Variants in ATXN3 observed in about 807,000 individuals in gnomAD.
ATXN3 encodes ataxin-3.
A neutral mutation model predicts 58.2 loss-of-function variants in ATXN3; 28 were observed. The observed-to-expected ratio is 0.48, with a 90% confidence interval of 0.36 to 0.66. The LOEUF (loss-of-function observed/expected upper bound fraction) is 0.66, where lower values mean the gene tolerates loss of function less well. ATXN3 is among the 30% of genes least tolerant of loss of function. The probability of loss-of-function intolerance (pLI) is 0.00; values close to 1 mark genes in which losing one functional copy is unlikely to be tolerated. For missense variants in ATXN3, 321 were observed against 422.1 expected, an observed-to-expected ratio of 0.76 and a Z score of 2.10; for synonymous variants, 113 against 138.5, an observed-to-expected ratio of 0.82 and a Z score of 1.29.
rs1323602320 is a variant in ATXN3, at chr14:92,061,494, GCTTAAA to G, written c.*2820_*2825del. The G allele has an allele frequency of 1.3e-5, 2 of 151,970 alleles. No individual in the cohort carries two copies. Among genetic ancestry groups the G allele is most frequent in the African/African-American group, 4.8e-5 (2 of 41,348 alleles). The allele number at this position is 151,970 out of a possible 1,614,324, so 9.4% of individuals were successfully genotyped here. On this transcript the variant is annotated 3_prime_UTR_variant, in exon 11 of 11. Coordinates refer to ENST00000644486, the MANE Select transcript of ATXN3 (RefSeq NM_004993.6). ...AAAATATGAAAGTGGTATTTCCAAG[GCTTAAA>G]CTTCTACTAGCATCACCACTGTACA...
intron 9 of ATXN3, chr14:92,073,516 G>T (rs921415520): frequency 1.3e-5 from 2 of 152,188 alleles, no homozygotes; most frequent in Non-Finnish European, 2.9e-5. Flanking sequence ...GACCAGCCTG[G>T]CCAACATGGC....
chr14:92,057,333 T>C (rs1340201570), downstream of ATXN3, among the ~76,000 whole-genome samples: 1 of 151,884 alleles, frequency 6.6e-6, no homozygotes, highest in African/African-American at 2.4e-5. Flanking sequence ...GGAGAATTGC[T>C]TGAACGCGGG....
At chr14:92,083,079 A>G (rs1295828299) in intron 7 of ATXN3, 47 bp downstream of exon 7, 1 of 1,556,818 alleles carries the variant, frequency 6.4e-7, no homozygotes, top group East Asian at 2.3e-5. Context: ...TTTAATTCTC[A>G]TAATGAAATA....
At chr14:92,101,471 C>T (rs557614529) in intron 1 of ATXN3, among the ~76,000 whole-genome samples, 1 of 152,298 alleles carries the variant, frequency 6.6e-6, no homozygotes, top group East Asian at 1.9e-4. Context: ...CCTGCCTTGC[C>T]CTTATCTCAA....
chr14:92,092,480 C>T lies in ATXN3; in HGVS notation c.387+772G>A, dbSNP rs55829932. Among the ~76,000 whole-genome samples, 53 of 152,284 alleles carry T rather than the reference C, an allele frequency of 3.5e-4. 1 individual carries two copies. Among genetic ancestry groups the T allele is most frequent in the African/African-American group, 1.2e-3 (51 of 41,554 alleles). On this transcript the variant is annotated intron_variant, in intron 5 of 10. Coordinates refer to ENST00000644486, the MANE Select transcript of ATXN3 (RefSeq NM_004993.6). Reference sequence around the variant, plus strand: ...GTACGTATTACATGGCTTTTGGAATCATAATGAATAATCTTACACTAAAGC... The same window carrying T: ...GTACGTATTACATGGCTTTTGGAATTATAATGAATAATCTTACACTAAAGC...
chr14:92,083,398 T>A lies in ATXN3; in HGVS notation c.476-140A>T, dbSNP rs947381540. On this transcript the variant is annotated intron_variant, in intron 6 of 10. Coordinates refer to ENST00000644486, the MANE Select transcript of ATXN3 (RefSeq NM_004993.6). ...GGATTCAGAAAGACTTTAGTCCAAA[T>A]AATGATTCTTATACTTACTAGTAAA... is the stretch of plus-strand genomic sequence containing the variant. The A allele has an allele frequency of 7.0e-6, 6 of 859,834 alleles. No individual in the cohort carries two copies. The African/African-American group carries it at 1.0e-4, about 15-fold the overall frequency. The allele number at this position is 859,834 out of a possible 1,614,324, so 53.3% of individuals were successfully genotyped here.
At chr14:92,069,987 T>C (rs1373478448) in intron 10 of ATXN3, among the ~76,000 whole-genome samples, 1 of 152,230 alleles carries the variant, frequency 6.6e-6, no homozygotes, top group Admixed American at 6.5e-5. Context: ...AGTCTTTTCA[T>C]GTGCTTATTT....
Position 92,058,915 on chromosome 14 carries a change from T to C in ATXN3, c.*5405A>G, listed in dbSNP as rs1345100596. The C allele has an allele frequency of 6.6e-6, 1 of 150,538 alleles. No individual in the cohort carries two copies. Among genetic ancestry groups the C allele is most frequent in the Non-Finnish European group, 1.5e-5 (1 of 67,720 alleles). 9.3% of individuals were successfully genotyped at this position (150,538 alleles called of 1,614,324 possible). On this transcript the variant is annotated 3_prime_UTR_variant, in exon 11 of 11. Coordinates refer to ENST00000644486, the MANE Select transcript of ATXN3 (RefSeq NM_004993.6). ...GCCCAGTGTTGTAAAAATTAGATAA[T>C]CACATTTAAAAATGTATGTTTTCCT...
At chr14:92,098,315 T>C (rs1448716603) in intron 1 of ATXN3, among the ~76,000 whole-genome samples, 1 of 152,070 alleles carries the variant, frequency 6.6e-6, no homozygotes, top group Non-Finnish European at 1.5e-5. Flanking sequence ...CAGTCAAGCA[T>C]GGTGGCTCAC....
chr14:92,068,991 A>C (rs1283532400), intron 10 of ATXN3, among the ~76,000 whole-genome samples: 1 of 152,154 alleles, frequency 6.6e-6, no homozygotes, highest in Non-Finnish European at 1.5e-5. Flanking sequence ...AATTGTTTGG[A>C]TATACCACAG....
chr14:92,049,298 C>T (rs560096763), intron 1 of ATXN3, among the ~76,000 whole-genome samples: 5 of 152,168 alleles, frequency 3.3e-5, no homozygotes, highest in East Asian at 1.9e-4. Context: ...CAGGCGTCCC[C>T]GCAATTGACT....
chr14:92,079,505 T>C, intron 9 of ATXN3: 1 of 881,516 alleles, frequency 1.1e-6, no homozygotes, highest in Non-Finnish European at 1.4e-6. Flanking sequence ...AAATATTTTC[T>C]TCATTATACC....
Position 92,045,734 on chromosome 14 carries a change from T to A in ATXN3, n.277-776A>T, listed in dbSNP as rs182832967. On this transcript the variant is annotated intron_variant and non_coding_transcript_variant, in intron 2 of 2. Coordinates refer to the ATXN3 transcript ENST00000564606. ...AAGAGGTTATGAAATGACAACAGAA[T>A]AGAATGGGCCTGTGAGGCTGGAAGG... is the stretch of plus-strand genomic sequence containing the variant. Among the ~76,000 whole-genome samples the A allele has an allele frequency of 1.1e-3, 169 of 152,188 alleles. 2 individuals carry two copies. In the South Asian group the frequency reaches 0.024, roughly 22 times the overall value.
intron 9 of ATXN3, among the ~76,000 whole-genome samples, chr14:92,077,978 C>CTTT (rs112851203): frequency 7.1e-6 from 1 of 140,278 alleles, no homozygotes; most frequent in Non-Finnish European, 1.5e-5. Context: ...TTTCTTTTCT[C>CTTT]TTTTTTTTTT....
intron 1 of ATXN3, among the ~76,000 whole-genome samples, chr14:92,101,439 C>A (rs180880452): frequency 6.6e-6 from 1 of 152,310 alleles, no homozygotes; most frequent in East Asian, 1.9e-4. Context: ...TGACAATGAG[C>A]CCACGTAAGA....
intron 1 of ATXN3, among the ~76,000 whole-genome samples, 162 bp downstream of exon 1, chr14:92,106,367 T>A (rs1031210550): frequency 1.3e-5 from 2 of 150,884 alleles, no homozygotes; most frequent in Non-Finnish European, 3.0e-5. Context: ...GATGCTCCCC[T>A]CCTCGAGCCG....
At chr14:92,096,349 G>C (rs1360938389) in intron 2 of ATXN3, 1 of 1,418,612 alleles carries the variant, frequency 7.0e-7, no homozygotes, top group Admixed American at 2.6e-5. Flanking sequence ...TGTAAGCCGG[G>C]TGTGGTGGCT....
rs544454211 is a variant in ATXN3 at position 92,094,891 on chromosome 14, A to G, written c.235-1060T>C. On this transcript the variant is annotated intron_variant, in intron 3 of 10. Transcript: ENST00000644486. ...TGGCACGGTAAAGCACTAGATGGAA[A>G]TGCTGGTGGATGAGGAAGAGTCCAG... Among the ~76,000 whole-genome samples the G allele has an allele frequency of 2.0e-5, 3 of 152,326 alleles. No homozygotes were observed. In the East Asian group the frequency reaches 5.8e-4, roughly 29 times the overall value.
chr14:92,077,181 A>T (rs1359225320), intron 9 of ATXN3, among the ~76,000 whole-genome samples: 1 of 152,150 alleles, frequency 6.6e-6, no homozygotes, highest in Non-Finnish European at 1.5e-5. Flanking sequence ...GCTCACATAT[A>T]AATTATGCCA....
Sources: allele counts gnomAD v4.1 joint callset (sites outside exome capture counted in the v4.1 genomes callset), GRCh38; gene constraint gnomAD v4.1.1; transcripts MANE v1.5; gene names NCBI Gene and HGNC (gene_info 2026-07-23, HGNC 2026-07-21).